MOXD1: variants seen among roughly 807,000 people sequenced by gnomAD.
MOXD1 encodes the protein monooxygenase DBH like 1, also known as DBH-like monooxygenase protein 1.
Under a neutral mutation model 66.6 loss-of-function variants are expected in MOXD1, and 62 were observed. The ratio of observed to expected loss-of-function variants is 0.93; its 90% CI spans 0.76 to 1.15. MOXD1 has a LOEUF of 1.15. Among genes scored for constraint, MOXD1 ranks in the 50% most tolerant of loss-of-function variants. MOXD1 has a pLI of 0.00. For synonymous variants in MOXD1, 303 were observed against 281.9 expected (o/e 1.07, Z -0.75); for missense variants, 847 against 754.6 (o/e 1.12, Z -1.44).
At chr6:132,338,941 C>A (rs1284627490) in intron 4 of MOXD1, among the ~76,000 whole-genome samples, 1 of 152,112 alleles carries the variant, frequency 6.6e-6, no homozygotes, top group Non-Finnish European at 1.5e-5. Context: ...TTTTTAAATG[C>A]AATTTTAACA....
chr6:132,374,823 G>A, intron 1 of MOXD1, 46 bp from the exon 2 acceptor site: 1 of 1,545,980 alleles, frequency 6.5e-7, no homozygotes, highest in Non-Finnish European at 8.9e-7. Context: ...TAAATACAGA[G>A]AGAAAAGAAT....
intron 10 of MOXD1, among the ~76,000 whole-genome samples, chr6:132,305,196 T>C (rs187386552): frequency 6.6e-6 from 1 of 152,376 alleles, no homozygotes; most frequent in East Asian, 1.9e-4. Context: ...AGAGGCTGGA[T>C]GGCTTGGTCA....
Position 132,349,186 on chromosome 6 carries a change from C to T in MOXD1, c.664-20592G>A, listed in dbSNP as rs569956256. Among the ~76,000 whole-genome samples, 86 of 148,342 alleles carry T rather than the reference C, an allele frequency of 5.8e-4. 1 individual carries two copies. In the South Asian group the frequency reaches 7.3e-3, roughly 13 times the overall value. ...CCATTGTATCATTCTTATGCCTTTGCGTCCTCATAGCTTAGCTCCTATATA... is the reference window on the plus strand; with the variant it reads ...CCATTGTATCATTCTTATGCCTTTGTGTCCTCATAGCTTAGCTCCTATATA... On this transcript the variant is annotated intron_variant, in intron 4 of 11. Transcript: ENST00000367963.
At chr6:132,396,403 T>C (rs1475721831) in intron 1 of MOXD1, among the ~76,000 whole-genome samples, 1 of 151,988 alleles carries the variant, frequency 6.6e-6, no homozygotes, top group African/African-American at 2.4e-5. Flanking sequence ...GGAAAGTTTA[T>C]AGCAACAAAC....
At position 132,315,712 on chromosome 6, in the gene MOXD1, A is replaced by G. The variant is rs376257401; in HGVS notation, c.1431T>C (p.Leu477=). Residue 477 remains leucine (L), a synonymous_variant, in exon 10 of 12, where the codon CTT becomes CTC. Transcript: ENST00000367963. ...SYLLYYPRIN[L]TRCASIPDIM... The stretch of plus-strand genomic sequence containing the variant: ...TGTCTGGAATACTTGCACATCGAGT[A>G]AGATTAATTCTTGGGTAATAAAGAA... 40 of 1,613,374 alleles carry G rather than the reference A, an allele frequency of 2.5e-5. No individual in the cohort carries two copies. The highest frequency in any genetic ancestry group is 6.7e-5 in the Admixed American group (4 of 59,996).
At chr6:132,394,977 A>T (rs1269252087) in intron 1 of MOXD1, among the ~76,000 whole-genome samples, 1 of 152,164 alleles carries the variant, frequency 6.6e-6, no homozygotes, top group Non-Finnish European at 1.5e-5. Context: ...TATAGATACA[A>T]TTCAAAAAGT....
rs185836994 is a variant in MOXD1 at position 132,327,301 on chromosome 6, G to A, written c.946+712C>T. Reference sequence around the variant, plus strand: ...AATTGATTGTTTCTTTTTCACATTGGGCTATAATTTCTGTAAGGGTGAGAA... The same window carrying A: ...AATTGATTGTTTCTTTTTCACATTGAGCTATAATTTCTGTAAGGGTGAGAA... On this transcript the variant is annotated intron_variant, in intron 6 of 11. Transcript: ENST00000367963. Among the ~76,000 whole-genome samples, 23 of 152,132 alleles carry A rather than the reference G, an allele frequency of 1.5e-4. 1 individual carries two copies. The highest frequency in any genetic ancestry group is 2.2e-4 in the Non-Finnish European group (15 of 67,984).
chr6:132,367,579 G>A (rs1429098028), intron 4 of MOXD1, among the ~76,000 whole-genome samples: 7 of 152,016 alleles, frequency 4.6e-5, no homozygotes, highest in Admixed American at 6.6e-5. Context: ...ATCCTTTTCC[G>A]GGCCTTCTCA....
intron 8 of MOXD1, 133 bp downstream of exon 8, chr6:132,322,546 C>G: frequency 3.7e-6 from 3 of 813,280 alleles, no homozygotes; most frequent in Middle Eastern, 7.4e-4. Context: ...TTGTACAACA[C>G]CCACAGTGGG....
intron 4 of MOXD1, among the ~76,000 whole-genome samples, chr6:132,355,046 G>A (rs967566774): frequency 2.0e-5 from 3 of 152,262 alleles, no homozygotes; most frequent in South Asian, 2.1e-4. Context: ...AGATGAGCAC[G>A]GCTTGAGAAC....
intron 4 of MOXD1, among the ~76,000 whole-genome samples, chr6:132,341,291 C>A (rs911711888): frequency 6.6e-6 from 1 of 152,162 alleles, no homozygotes; most frequent in Admixed American, 6.5e-5. Context: ...ATCTTGGAAT[C>A]GGACAATAGC....
At chr6:132,317,867 C>T (rs76349618) in intron 9 of MOXD1, among the ~76,000 whole-genome samples, 2 of 151,978 alleles carry the variant, frequency 1.3e-5, no homozygotes, top group Non-Finnish European at 2.9e-5. Context: ...TTTCATTACA[C>T]TTTACATTCA....
At chr6:132,361,478 T>C (rs1295239055) in intron 4 of MOXD1, among the ~76,000 whole-genome samples, 6 of 152,184 alleles carry the variant, frequency 3.9e-5, no homozygotes, top group African/African-American at 1.4e-4. Context: ...AAATACTTTA[T>C]TACTATAATA....
chr6:132,369,079 A>G (rs1776209333), intron 4 of MOXD1, among the ~76,000 whole-genome samples: 1 of 152,098 alleles, frequency 6.6e-6, no homozygotes, highest in Admixed American at 6.6e-5. Flanking sequence ...CAATCCCTAC[A>G]TAATGAGATG....
intron 4 of MOXD1, among the ~76,000 whole-genome samples, chr6:132,347,155 T>C (rs568701393): frequency 2.0e-5 from 3 of 152,246 alleles, no homozygotes; most frequent in South Asian, 2.1e-4. Flanking sequence ...CCAAGAAAAT[T>C]GAGGCACAAT....
chr6:132,338,436 C>T (rs550877019), intron 4 of MOXD1, among the ~76,000 whole-genome samples: 1 of 152,280 alleles, frequency 6.6e-6, no homozygotes, highest in South Asian at 2.1e-4. Context: ...ATATACATTC[C>T]CCTGGGGCAG....
intron 4 of MOXD1, among the ~76,000 whole-genome samples, chr6:132,330,015 A>G (rs1050632633): frequency 2.0e-5 from 3 of 152,214 alleles, no homozygotes; most frequent in Non-Finnish European, 4.4e-5. Context: ...AGTTCCCTTC[A>G]TAACACTTGC....
intron 4 of MOXD1, among the ~76,000 whole-genome samples, chr6:132,332,523 T>A (rs1775344641): frequency 6.6e-6 from 1 of 152,084 alleles, no homozygotes; most frequent in African/African-American, 2.4e-5. Context: ...AGAGAGGAAA[T>A]TTTCAGACCA....
chr6:132,328,373 G>T, intron 5 of MOXD1, 42 bp downstream of exon 5: 1 of 1,589,330 alleles, frequency 6.3e-7, no homozygotes, highest in South Asian at 1.1e-5. Context: ...CGGGAAATAT[G>T]ATCAGTTAAT....
Sources: allele counts gnomAD v4.1 joint callset (sites outside exome capture counted in the v4.1 genomes callset), GRCh38; gene constraint gnomAD v4.1.1; transcripts MANE v1.5; gene names NCBI Gene and HGNC (gene_info 2026-07-23, HGNC 2026-07-21).